OSBPL9: variants seen among roughly 807,000 people sequenced by gnomAD.
The protein encoded by OSBPL9 is oxysterol-binding protein-related protein 9.
OSBPL9 carries 40 observed loss-of-function variants against 106.6 expected under a neutral mutation model. That is an observed-to-expected ratio of 0.38 (90% CI 0.29 to 0.49). OSBPL9 has a LOEUF of 0.49. Among genes scored for constraint, OSBPL9 ranks in the 20% least tolerant of loss-of-function variants. OSBPL9 has a pLI of 0.97. For synonymous variants in OSBPL9, 269 were observed against 295.4 expected (o/e 0.91, Z 0.92); for missense variants, 609 against 887.2 (o/e 0.69, Z 3.98).
intron 3 of OSBPL9, among the ~76,000 whole-genome samples, chr1:51,706,252 C>A (rs1658510869): frequency 1.3e-5 from 2 of 152,124 alleles, no homozygotes; most frequent in Non-Finnish European, 2.9e-5. Flanking sequence ...CAAAAGGGTA[C>A]TTTCCTGTGG....
intron 11 of OSBPL9, among the ~76,000 whole-genome samples, chr1:51,763,600 A>C (rs1486916784): frequency 6.6e-6 from 1 of 152,288 alleles, no homozygotes; most frequent in African/African-American, 2.4e-5. Context: ...CCTGTGATTT[A>C]AAAAATTCGA....
At chr1:51,625,602 C>T (rs902500207) in intron 1 of OSBPL9, among the ~76,000 whole-genome samples, 6 of 151,718 alleles carry the variant, frequency 4.0e-5, no homozygotes, top group Non-Finnish European at 5.9e-5. Context: ...CTCACCGCAA[C>T]GTCCAGCACC....
At chr1:51,609,542 C>G (rs1643972138) in intron 2 of OSBPL9, among the ~76,000 whole-genome samples, 1 of 146,496 alleles carries the variant, frequency 6.8e-6, no homozygotes, top group Non-Finnish European at 1.5e-5. Flanking sequence ...CAGGGTCTGG[C>G]TATGTTGCCC....
chr1:51,616,418 G>T (rs1437838742), upstream of OSBPL9, among the ~76,000 whole-genome samples: 1 of 152,144 alleles, frequency 6.6e-6, no homozygotes, highest in South Asian at 2.1e-4. Flanking sequence ...AAGATGCCAC[G>T]CTCACTCCTA....
intron 21 of OSBPL9, 80 bp downstream of exon 21, chr1:51,785,966 ACTTC>A: frequency 8.5e-7 from 1 of 1,172,092 alleles, no homozygotes; most frequent in East Asian, 2.4e-5. Flanking sequence ...CTTCATTAGT[ACTTC>A]CTTCATAATG....
intron 3 of OSBPL9, among the ~76,000 whole-genome samples, chr1:51,701,982 A>G (rs1449359935): frequency 6.6e-6 from 1 of 152,022 alleles, no homozygotes. Context: ...TGAACTCATC[A>G]TTTTTTATGG....
At chr1:51,740,336 A>T in intron 4 of OSBPL9, 1 of 1,177,392 alleles carries the variant, frequency 8.5e-7, no homozygotes, top group Non-Finnish European at 1.1e-6. Context: ...TATTTTAATC[A>T]AAATTACATT....
At chr1:51,560,816 A>G in the OSBPL9 span, 3 of 152,212 alleles carry the variant, frequency 2.0e-5, no homozygotes, top group East Asian at 1.9e-4. Context: ...AATCACCCCT[A>G]ACATCTGTCC....
intron 3 of OSBPL9, among the ~76,000 whole-genome samples, chr1:51,702,062 G>A (rs1657401845): frequency 6.6e-6 from 1 of 152,180 alleles, no homozygotes. Flanking sequence ...GGACATTTGG[G>A]TTGGTTCCAA....
intron 4 of OSBPL9, chr1:51,730,001 A>C: frequency 1.5e-6 from 2 of 1,315,530 alleles, no homozygotes; most frequent in Non-Finnish European, 2.0e-6. Flanking sequence ...CCACTTGCGG[A>C]GTGAGTAGAC....
intron 6 of OSBPL9, 75 bp downstream of exon 6, chr1:51,746,832 G>A: frequency 2.5e-6 from 3 of 1,193,912 alleles, no homozygotes; most frequent in South Asian, 2.8e-5. Context: ...GTATCTTAGT[G>A]TGTTTTTACT....
At chr1:51,551,680 G>A in the OSBPL9 span, among the ~76,000 whole-genome samples, 2 of 151,962 alleles carry the variant, frequency 1.3e-5, no homozygotes, top group East Asian at 3.8e-4. Context: ...TCCGCCTCCT[G>A]GGCTCAAGGG....
chr1:51,722,033 A>G (rs1240309432), intron 4 of OSBPL9, among the ~76,000 whole-genome samples: 1 of 152,252 alleles, frequency 6.6e-6, no homozygotes, highest in Non-Finnish European at 1.5e-5. Flanking sequence ...TAGTATAAAG[A>G]TTTAAGATTG....
chr1:51,558,301 TAAC>T, the OSBPL9 span, among the ~76,000 whole-genome samples: 3 of 150,672 alleles, frequency 2.0e-5, no homozygotes, highest in East Asian at 5.8e-4. Flanking sequence ...AAAAAGATAA[TAAC>T]AGCCCCTTCC....
chr1:51,718,119 C>T (rs892854024), intron 4 of OSBPL9, among the ~76,000 whole-genome samples: 2 of 152,210 alleles, frequency 1.3e-5, no homozygotes, highest in Admixed American at 1.3e-4. Context: ...ACAAACTTCA[C>T]ATGTTCTCAC....
At chr1:51,710,382 A>C (rs1044788367) in intron 3 of OSBPL9, among the ~76,000 whole-genome samples, 3 of 152,230 alleles carry the variant, frequency 2.0e-5, no homozygotes, top group Non-Finnish European at 2.9e-5. Context: ...GGACACTGAG[A>C]GCCAGAAAAA....
intron 3 of OSBPL9, among the ~76,000 whole-genome samples, chr1:51,679,716 A>G (rs1471651760): frequency 2.0e-5 from 3 of 152,208 alleles, no homozygotes; most frequent in South Asian, 2.1e-4. Context: ...GTCACTTACT[A>G]AGTAGGCTTC....
At chr1:51,546,472 T>C in the OSBPL9 span, among the ~76,000 whole-genome samples, 4 of 150,780 alleles carry the variant, frequency 2.7e-5, no homozygotes, top group African/African-American at 9.7e-5. Flanking sequence ...CCGAGGCGGG[T>C]GGATCACGAG....
At chr1:51,669,869 A>C in intron 3 of OSBPL9, 1 of 468,502 alleles carries the variant, frequency 2.1e-6, no homozygotes, top group South Asian at 1.6e-5. Context: ...GAAGAGTCTA[A>C]AGACTGATTG....
Sources: allele counts gnomAD v4.1 joint callset (sites outside exome capture counted in the v4.1 genomes callset), GRCh38; gene constraint gnomAD v4.1.1; transcripts MANE v1.5; gene names NCBI Gene and HGNC (gene_info 2026-07-23, HGNC 2026-07-21).